The following CCDC27 variants were observed in gnomAD, a reference collection of about 807,000 sequenced individuals.
CCDC27 encodes coiled-coil domain containing 27.
A neutral mutation model predicts 80.3 loss-of-function variants in CCDC27; 80 were observed. The ratio of observed to expected loss-of-function variants is 1.00; its 90% CI spans 0.83 to 1.20. The LOEUF is 1.20. CCDC27 is among the 50% of genes most tolerant of loss of function. The pLI is 0.00. For synonymous variants in CCDC27, 342 were observed against 334.3 expected, an observed-to-expected ratio of 1.02 and a Z score of -0.25; for missense variants, 815 against 809.4, an observed-to-expected ratio of 1.01 and a Z score of -0.08.
At position 3,760,324 on chromosome 1, in the gene CCDC27, C is replaced by A. The variant is rs1643056561; in HGVS notation, c.712-957C>A. 6.6e-6 allele frequency among the ~76,000 whole-genome samples: 1 copy of A among 152,058 alleles called. No individual in the cohort carries two copies. The highest frequency in any genetic ancestry group is 2.4e-5 in the African/African-American group (1 of 41,412). On this transcript the variant is annotated intron_variant, in intron 4 of 11. Coordinates refer to ENST00000294600, the MANE Select transcript of CCDC27 (RefSeq NM_152492.3). The surrounding 1 kb of genome is among the most constrained non-coding windows in gnomAD (Gnocchi z 4.3). ...GGCCACGTTTGCTTTATCCTTCTCT[C>A]CTCTCTCTCCCCCTTGCTCCTCTCT...
intron 2 of CCDC27, 67 bp from the exon 3 acceptor site, chr1:3,755,390 C>T: frequency 7.5e-7 from 1 of 1,329,680 alleles, no homozygotes; most frequent in Non-Finnish European, 1.1e-6. Context: ...AAATAAGAGT[C>T]TGCCCTGGAG....
At position 3,763,164 on chromosome 1, in the gene CCDC27, CGAG is replaced by C; in HGVS notation, c.1017_1019del (p.Glu339del). 5 of 1,492,008 alleles carry C rather than the reference CGAG, an allele frequency of 3.4e-6. No individual in the cohort carries two copies. The highest frequency in any genetic ancestry group is 1.4e-5 in the South Asian group (1 of 72,578). The allele number at this position is 1,492,008 out of a possible 1,614,324, so 92.4% of individuals were successfully genotyped here. A position where few individuals can be genotyped will look rare whatever the true frequency, so the allele number is the denominator to read the frequency against. On this transcript the variant is annotated inframe_deletion, in exon 7 of 12. Transcript: ENST00000294600. The surrounding 1 kb of genome is among the most constrained non-coding windows in gnomAD (Gnocchi z 7.5). ...GCAAGGAGCCCGACCTGGGAGGTGGCGAGGAGGACGAGGGCCTGGAAGGGGAGC... is the reference window on the plus strand; with the variant it reads ...GCAAGGAGCCCGACCTGGGAGGTGGCGAGGACGAGGGCCTGGAAGGGGAGC...
chr1:3,771,520 G>A lies in CCDC27; in HGVS notation c.1968G>A (p.Lys656=). 2 of 1,613,394 alleles carry A rather than the reference G, an allele frequency of 1.2e-6. No individual in the cohort carries two copies. Among genetic ancestry groups the A allele is most frequent in the South Asian group, 1.1e-5 (1 of 91,064 alleles). ...GCAAATCCAAGAAGGGGACCTCCAA[G>A]TAGGCCCAGCCAGGCCCCCAAATAC... ...LTSKSKKGTS[K] is the part of the protein sequence containing the mutation. Residue 656 remains lysine (K), a synonymous_variant, in exon 12 of 12, where the codon AAG becomes AAA. Coordinates refer to ENST00000294600, the MANE Select transcript of CCDC27 (RefSeq NM_152492.3).
Position 3,761,702 on chromosome 1 carries a change from G to A in CCDC27, c.861+272G>A, listed in dbSNP as rs555936465. Among the ~76,000 whole-genome samples, 7 of 152,170 alleles carry A rather than the reference G, an allele frequency of 4.6e-5. No individual in the cohort carries two copies. The highest frequency in any genetic ancestry group is 1.0e-4 in the Non-Finnish European group (7 of 68,014). On this transcript the variant is annotated intron_variant, in intron 5 of 11. Coordinates refer to ENST00000294600, the MANE Select transcript of CCDC27 (RefSeq NM_152492.3). This position sits in a 1 kb window ranked among gnomAD's most constrained non-coding sequence, Gnocchi z 5.0. ...GCGCAAAATGACAAATGAGAGCCGT[G>A]AGCCGATGTCTAGGCACCTGCACCT...
Position 3,769,818 on chromosome 1 carries a change from C to T in CCDC27, c.1779C>T (p.Thr593=). The T allele has an allele frequency of 1.9e-6, 3 of 1,614,036 alleles. No homozygotes were observed. The highest frequency in any genetic ancestry group is 2.5e-6 in the Non-Finnish European group (3 of 1,179,946). ...ERLRNKIIQA[T]FSISGTKSLA... ...TAAGGAATAAGATCATCCAGGCCAC[C>T]TTTAGCATCTCCGGGACCAAGTCCT... is the stretch of plus-strand genomic sequence containing the variant. The change falls in exon 11 of 12, where the codon ACC becomes ACT. Residue 593 remains threonine, a synonymous_variant. Coordinates refer to ENST00000294600, the MANE Select transcript of CCDC27 (RefSeq NM_152492.3). The surrounding 1 kb of genome is among the most constrained non-coding windows in gnomAD (Gnocchi z 4.6).
intron 4 of CCDC27, among the ~76,000 whole-genome samples, chr1:3,757,720 G>A (rs1164578405): frequency 1.3e-5 from 2 of 152,018 alleles, no homozygotes; most frequent in African/African-American, 2.4e-5. Context: ...TCAGGAGATC[G>A]AGACCATCCT....
chr1:3,769,928 C>T lies in CCDC27; in HGVS notation c.1848+41C>T, dbSNP rs1234151317. 6.9e-7 allele frequency: 1 copy of T among 1,442,546 alleles called. No individual in the cohort carries two copies. Among genetic ancestry groups the T allele is most frequent in the African/African-American group, 1.4e-5 (1 of 71,570 alleles). The allele number at this position is 1,442,546 out of a possible 1,614,324, so 89.4% of individuals were successfully genotyped here. On this transcript the variant is annotated intron_variant, in intron 11 of 11. Coordinates refer to ENST00000294600, the MANE Select transcript of CCDC27 (RefSeq NM_152492.3). The surrounding 1 kb of genome is among the most constrained non-coding windows in gnomAD (Gnocchi z 4.6). Reference sequence around the variant, plus strand: ...CAGCTGCCTCTATCCGGGCCCCAGACCCCCAGGCCAGAGCTGTGGTAGGGG... The same window carrying T: ...CAGCTGCCTCTATCCGGGCCCCAGATCCCCAGGCCAGAGCTGTGGTAGGGG...
intron 8 of CCDC27, among the ~76,000 whole-genome samples, chr1:3,764,172 G>A (rs190579021): frequency 3.9e-4 from 60 of 152,294 alleles, no homozygotes; most frequent in East Asian, 2.1e-3. Flanking sequence ...CGCCCTATCC[G>A]TGCTTAGAGA....
rs751471378 is a variant in CCDC27 at position 3,756,728 on chromosome 1, C to T, written c.554-5C>T. The stretch of plus-strand genomic sequence containing the variant: ...TTTCTCACTTGGCCTCCGCTGTCGC[C>T]ACAGGGTACCTCCTTCCCTTCAGTA... On this transcript the variant is annotated splice_polypyrimidine_tract_variant and splice_region_variant and intron_variant, in intron 3 of 11. Coordinates refer to ENST00000294600, the MANE Select transcript of CCDC27 (RefSeq NM_152492.3). 1.1e-5 allele frequency: 18 copies of T among 1,613,784 alleles called. No individual in the cohort carries two copies. The East Asian group carries it at 4.0e-4, about 36-fold the overall frequency.
In CCDC27 at chr1:3,767,325, A is replaced by T; in HGVS notation, c.1623A>T (p.Glu541Asp). The change falls in exon 10 of 12, where the codon GAA becomes GAT. Residue 541 changes from glutamate (E) to aspartate (D), a missense_variant. Coordinates refer to ENST00000294600, the MANE Select transcript of CCDC27 (RefSeq NM_152492.3). ...TKVSQLQEQV[E>D]LDQNHLQRWK... ...TCAGCCAGCTGCAGGAGCAGGTGGAACTGGACCAGAACCACCTGCAGAGGT... is the reference window on the plus strand; with the variant it reads ...TCAGCCAGCTGCAGGAGCAGGTGGATCTGGACCAGAACCACCTGCAGAGGT... 1 of 1,613,904 alleles carries T rather than the reference A, an allele frequency of 6.2e-7. No individual in the cohort carries two copies. The highest frequency in any genetic ancestry group is 1.1e-5 in the South Asian group (1 of 91,078).
intron 8 of CCDC27, among the ~76,000 whole-genome samples, chr1:3,764,053 C>T (rs766839070): frequency 3.9e-5 from 6 of 152,184 alleles, no homozygotes; most frequent in Non-Finnish European, 8.8e-5. Context: ...TGCCCAGCCA[C>T]AGCTCTGCCC....
chr1:3,755,382 A>G (rs1293970380), intron 2 of CCDC27, 75 bp from the exon 3 acceptor site: 1 of 1,265,780 alleles, frequency 7.9e-7, no homozygotes, highest in Non-Finnish European at 1.2e-6. Context: ...TTAAGGATAA[A>G]TAAGAGTCTG....
chr1:3,756,750 AG>A lies in CCDC27; in HGVS notation c.572del (p.Ser191IlefsTer19). On this transcript the variant is annotated frameshift_variant, in exon 4 of 12. Coordinates refer to ENST00000294600, the MANE Select transcript of CCDC27 (RefSeq NM_152492.3). LOFTEE classifies it high-confidence loss of function. ...TNVDGYLLPFSKSICEFDYLR... is the reference protein window; with the variant it reads ...TNVDGYLLPFXKSICEFDYLR... ...CGCCACAGGGTACCTCCTTCCCTTCAGTAAGAGCATCTGCGAGTTCGATTAC... is the reference window on the plus strand; with the variant it reads ...CGCCACAGGGTACCTCCTTCCCTTCATAAGAGCATCTGCGAGTTCGATTAC... 6.2e-7 allele frequency: 1 copy of A among 1,614,056 alleles called. No individual in the cohort carries two copies. Among genetic ancestry groups the A allele is most frequent in the South Asian group, 1.1e-5 (1 of 91,076 alleles).
chr1:3,758,462 A>G (rs1361011261), intron 4 of CCDC27, among the ~76,000 whole-genome samples: 2 of 150,814 alleles, frequency 1.3e-5, no homozygotes, highest in Non-Finnish European at 3.0e-5. Context: ...CTGGGACTAC[A>G]GGCGTGAGCC....
chr1:3,771,539 C>A lies in CCDC27; in HGVS notation c.*16C>A. 1 of 1,612,524 alleles carries A rather than the reference C, an allele frequency of 6.2e-7. No homozygotes were observed. The highest frequency in any genetic ancestry group is 1.1e-5 in the South Asian group (1 of 91,046). Reference sequence around the variant, plus strand: ...CTCCAAGTAGGCCCAGCCAGGCCCCCAAATACGGTCAGCCCAGCAGAGGCC... The same window carrying A: ...CTCCAAGTAGGCCCAGCCAGGCCCCAAAATACGGTCAGCCCAGCAGAGGCC... On this transcript the variant is annotated 3_prime_UTR_variant, in exon 12 of 12. Transcript: ENST00000294600.
rs1235802621 is a variant in CCDC27 at position 3,761,551 on chromosome 1, T to A, written c.861+121T>A. 8.5e-7 allele frequency: 1 copy of A among 1,175,456 alleles called. No homozygotes were observed. The highest frequency in any genetic ancestry group is 2.5e-5 in the East Asian group (1 of 39,234). The allele number at this position is 1,175,456 out of a possible 1,614,324, so 72.8% of individuals were successfully genotyped here. A position where few individuals can be genotyped will look rare whatever the true frequency, so the allele number is the denominator to read the frequency against. On this transcript the variant is annotated intron_variant, in intron 5 of 11. Transcript: ENST00000294600. The surrounding 1 kb of genome is among the most constrained non-coding windows in gnomAD (Gnocchi z 5.0). ...CCCAGGCCCCCTGGATCCTATCAGG[T>A]CCTCACTGGAACGTGGACCGGTTCT...
Position 3,766,426 on chromosome 1 carries a change from CT to C in CCDC27, c.1453-108del, listed in dbSNP as rs201505159. The C allele has an allele frequency of 1.3e-3, 888 of 671,244 alleles. 6 individuals carry two copies. In the African/African-American group the frequency reaches 0.015, roughly 11 times the overall value. The allele number at this position is 671,244 out of a possible 1,614,324, so 41.6% of individuals were successfully genotyped here. The stretch of plus-strand genomic sequence containing the variant: ...CTCCCTGCCTTCAATAGAAATCCCG[CT>C]GCTATTATTTTAGGGAGCTTTGGGG... On this transcript the variant is annotated intron_variant, in intron 8 of 11. Transcript: ENST00000294600. This position sits in a 1 kb window ranked among gnomAD's most constrained non-coding sequence, Gnocchi z 6.1.
Position 3,771,548 on chromosome 1 carries a change from T to TCAGCCCAGCAGAGGC in CCDC27, c.*27_*41dup. The TCAGCCCAGCAGAGGC allele has an allele frequency of 6.2e-7, 1 of 1,611,902 alleles. No homozygotes were observed. Among genetic ancestry groups the TCAGCCCAGCAGAGGC allele is most frequent in the Non-Finnish European group, 8.5e-7 (1 of 1,179,850 alleles). ...GGCCCAGCCAGGCCCCCAAATACGG[T>TCAGCCCAGCAGAGGC]CAGCCCAGCAGAGGCCGGGGCCCAG... On this transcript the variant is annotated 3_prime_UTR_variant, in exon 12 of 12. Transcript: ENST00000294600.
chr1:3,754,061 G>A (rs1049025361), intron 1 of CCDC27, 57 bp from the exon 2 acceptor site: 1 of 1,592,820 alleles, frequency 6.3e-7, no homozygotes, highest in African/African-American at 1.3e-5. Flanking sequence ...GCCCTTGGAT[G>A]GGCTGGCCTA....
Sources: allele counts gnomAD v4.1 joint callset (sites outside exome capture counted in the v4.1 genomes callset), GRCh38; gene constraint gnomAD v4.1.1; non-coding constraint Gnocchi (gnomAD v3.1); transcripts MANE v1.5; gene names NCBI Gene and HGNC (gene_info 2026-07-23, HGNC 2026-07-21).